The following USP43 variants were observed in gnomAD, a reference collection of about 807,000 sequenced individuals.
USP43 encodes ubiquitin carboxyl-terminal hydrolase 43.
In USP43, 33 loss-of-function variants were observed where a neutral mutation model predicts 90.7. That is an observed-to-expected ratio of 0.36 (90% CI 0.28 to 0.49). The LOEUF is 0.49. Ranked by LOEUF, USP43 falls within the 20% of genes least tolerant of loss-of-function variation. The pLI, the probability that USP43 is intolerant of heterozygous loss-of-function variation, is 0.98. For synonymous variants in USP43, 598 were observed against 615.8 expected (o/e 0.97, Z 0.43); for missense variants, 1,274 against 1,476.4 (o/e 0.86, Z 2.25).
chr17:9,681,208 A>ATAGAATATATTATATAG (rs1567660831), intron 6 of USP43, among the ~76,000 whole-genome samples: 4 of 60,818 alleles, frequency 6.6e-5, no homozygotes, highest in African/African-American at 2.1e-4. Flanking sequence ...ACTATATAAT[A>ATAGAATATATTATATAG]TATACATTAT....
intron 2 of USP43, among the ~76,000 whole-genome samples, chr17:9,665,078 C>T (rs1166008531): frequency 6.6e-6 from 1 of 152,110 alleles, no homozygotes; most frequent in East Asian, 1.9e-4. Flanking sequence ...TATTGTGTCC[C>T]ATGTGTGGTA....
chr17:9,727,066 G>A lies in USP43; in HGVS notation c.2336-888G>A, dbSNP rs550276542. On this transcript the variant is annotated intron_variant, in intron 14 of 14. Coordinates refer to ENST00000285199, the MANE Select transcript of USP43 (RefSeq NM_153210.5). ...ACTGCAACCTCCACCTCCACCTCCC[G>A]GGTTCAAGTGATTCTCCTGCCTCAG... Among the ~76,000 whole-genome samples, 15 of 151,894 alleles carry A rather than the reference G, an allele frequency of 9.9e-5. No homozygotes were observed. The Middle Eastern group carries it at 0.01, about 103-fold the overall frequency.
At position 9,676,816 on chromosome 17, in the gene USP43, A is replaced by G; in HGVS notation, c.904A>G (p.Ile302Val). Residue 302 changes from isoleucine (I) to valine (V), a missense_variant, in exon 5 of 15, where the codon ATC becomes GTC. Transcript: ENST00000285199. ...CCTGCGGGTTGGCCTGGCCGTGCCG[A>G]TCCTCAGCACAGTGGCAGCCCTGAG... ...RFLRVGLAVP[I>V]LSTVAALRKM... 6.2e-7 allele frequency: 1 copy of G among 1,613,866 alleles called. No individual in the cohort carries two copies. The highest frequency in any genetic ancestry group is 1.7e-4 in the Middle Eastern group (1 of 6,060).
intron 1 of USP43, among the ~76,000 whole-genome samples, chr17:9,649,677 T>TGAAA (rs367614046): frequency 9.3e-6 from 1 of 108,106 alleles, no homozygotes; most frequent in African/African-American, 3.1e-5. Context: ...TTGCACATTG[T>TGAAA]AAAAAAAAAA....
chr17:9,696,393 C>G (rs1915270080), intron 9 of USP43, among the ~76,000 whole-genome samples: 2 of 152,272 alleles, frequency 1.3e-5, no homozygotes, highest in South Asian at 4.1e-4. Flanking sequence ...CTCTGCCTCC[C>G]AAAGTGCTGG....
intron 2 of USP43, among the ~76,000 whole-genome samples, chr17:9,664,448 C>A (rs113905417): frequency 6.6e-6 from 1 of 152,152 alleles, no homozygotes; most frequent in Non-Finnish European, 1.5e-5. Context: ...CAGGTCTTTA[C>A]GTACACCTCA....
At chr17:9,689,722 A>G (rs1490320649) in intron 8 of USP43, among the ~76,000 whole-genome samples, 2 of 152,032 alleles carry the variant, frequency 1.3e-5, no homozygotes, top group African/African-American at 4.8e-5. Flanking sequence ...CTACCCAAAC[A>G]CTTTTATGGT....
At chr17:9,676,684 C>G in intron 4 of USP43, 62 bp from the exon 5 acceptor site, 1 of 1,558,260 alleles carries the variant, frequency 6.4e-7, no homozygotes, top group Non-Finnish European at 8.7e-7. Flanking sequence ...GATCCATTAT[C>G]AACAATGTCA....
At chr17:9,723,543 C>G (rs911750633) in intron 14 of USP43, among the ~76,000 whole-genome samples, 2 of 83,534 alleles carry the variant, frequency 2.4e-5, no homozygotes, top group African/African-American at 4.4e-5. Context: ...CTCCCCTCCC[C>G]TCCCCTCCCC....
intron 8 of USP43, among the ~76,000 whole-genome samples, chr17:9,687,620 A>G (rs1303420247): frequency 6.6e-6 from 1 of 152,300 alleles, no homozygotes; most frequent in Middle Eastern, 3.4e-3. Flanking sequence ...ATTTTTAGGG[A>G]CAGGTCAGTT....
rs1359231206 is a variant in USP43, at chr17:9,674,753, C to G, written c.741-138C>G. ...CACTTGTGTACAAGTATTTGAACAC[C>G]TGTTCTCAATTCTTCTGGGTATGTA... On this transcript the variant is annotated intron_variant, in intron 3 of 14. Transcript: ENST00000285199. This position sits in a 1 kb window ranked among gnomAD's most constrained non-coding sequence, Gnocchi z 4.4. The G allele has an allele frequency of 4.1e-6, 3 of 732,870 alleles. No individual in the cohort carries two copies. In the Admixed American group the frequency reaches 6.3e-5, roughly 15 times the overall value. 45.4% of individuals were successfully genotyped at this position (732,870 alleles called of 1,614,324 possible). A position where few individuals can be genotyped will look rare whatever the true frequency, so the allele number is the denominator to read the frequency against.
chr17:9,693,457 C>T (rs917644137), intron 9 of USP43, among the ~76,000 whole-genome samples: 5 of 152,154 alleles, frequency 3.3e-5, no homozygotes, highest in South Asian at 2.1e-4. Context: ...GGGACACCAA[C>T]GTTCTCAGAG....
Position 9,712,092 on chromosome 17 carries a change from C to T in USP43, c.2295C>T (p.Asp765=). The T allele has an allele frequency of 1.2e-6, 2 of 1,607,854 alleles. No individual in the cohort carries two copies. Among genetic ancestry groups the T allele is most frequent in the East Asian group, 4.5e-5 (2 of 44,436 alleles). The change falls in exon 14 of 15, where the codon GAC becomes GAT. Residue 765 remains aspartate, a synonymous_variant. Coordinates refer to ENST00000285199, the MANE Select transcript of USP43 (RefSeq NM_153210.5). Reference sequence around the variant, plus strand: ...GCCCCTCCCTGCCCCAGGTTCCTGACTCTCCCATCTTCACCAACAGCCTCT... The same window carrying T: ...GCCCCTCCCTGCCCCAGGTTCCTGATTCTCCCATCTTCACCAACAGCCTCT... ...APCPSLPQVP[D]SPIFTNSLCN... is the part of the protein sequence containing the mutation.
rs764760569 is a variant in USP43, at chr17:9,701,275, G to T, written c.1662+30G>T. On this transcript the variant is annotated intron_variant, in intron 11 of 14. Coordinates refer to ENST00000285199, the MANE Select transcript of USP43 (RefSeq NM_153210.5). This position sits in a 1 kb window ranked among gnomAD's most constrained non-coding sequence, Gnocchi z 7.2. ...CGCCCTGGGGGTCCATGCCCCGGCC[G>T]GGAAGGGGGCTGGCTGCCTTTGGTG... 1 of 1,599,918 alleles carries T rather than the reference G, an allele frequency of 6.3e-7. No homozygotes were observed. The highest frequency in any genetic ancestry group is 8.5e-7 in the Non-Finnish European group (1 of 1,172,774).
At chr17:9,675,128 A>G (rs1476076312) in intron 4 of USP43, 145 bp downstream of exon 4, 6 of 716,482 alleles carry the variant, frequency 8.4e-6, no homozygotes, top group Non-Finnish European at 1.2e-5. Flanking sequence ...GCTGGATGAC[A>G]TTCAACTATT....
Position 9,729,459 on chromosome 17 carries a change from A to G in USP43, c.*469A>G, listed in dbSNP as rs1212522124. ...TCTGGGATAAGCATTAAAGATGCCA[A>G]AAAGAAAAAAAAAACAAAAGAATGA... On this transcript the variant is annotated 3_prime_UTR_variant, in exon 15 of 15. Coordinates refer to ENST00000285199, the MANE Select transcript of USP43 (RefSeq NM_153210.5). 1 of 151,628 alleles carries G rather than the reference A, an allele frequency of 6.6e-6. No individual in the cohort carries two copies. The highest frequency in any genetic ancestry group is 2.4e-5 in the African/African-American group (1 of 41,358). 9.4% of individuals were successfully genotyped at this position (151,628 alleles called of 1,614,324 possible). A position where few individuals can be genotyped will look rare whatever the true frequency, so the allele number is the denominator to read the frequency against.
chr17:9,673,863 A>G (rs772714158), intron 3 of USP43, among the ~76,000 whole-genome samples: 1 of 152,110 alleles, frequency 6.6e-6, no homozygotes, highest in African/African-American at 2.4e-5. Context: ...AGTACATGCT[A>G]TTTCCATGTT....
At chr17:9,656,968 G>A (rs1912297025) in intron 2 of USP43, among the ~76,000 whole-genome samples, 1 of 152,148 alleles carries the variant, frequency 6.6e-6, no homozygotes, top group Non-Finnish European at 1.5e-5. Context: ...CAGGATGGAT[G>A]ATTTTTACAC....
chr17:9,689,230 A>C (rs906396621), intron 8 of USP43, among the ~76,000 whole-genome samples: 3 of 152,176 alleles, frequency 2.0e-5, no homozygotes, highest in African/African-American at 4.8e-5. Context: ...AGTCATTTGA[A>C]GAGAATATAT....
Sources: allele counts gnomAD v4.1 joint callset (sites outside exome capture counted in the v4.1 genomes callset), GRCh38; gene constraint gnomAD v4.1.1; non-coding constraint Gnocchi (gnomAD v3.1); transcripts MANE v1.5; gene names NCBI Gene and HGNC (gene_info 2026-07-23, HGNC 2026-07-21).